Variants in WDR44 observed in about 807,000 individuals in gnomAD.
The protein encoded by WDR44 is WD repeat-containing protein 44.
Under a neutral mutation model 65.7 loss-of-function variants are expected in WDR44, and 9 were observed. The observed-to-expected ratio is 0.14, with a 90% CI of 0.08 to 0.24. WDR44 has a LOEUF of 0.24. Among genes scored for constraint, WDR44 ranks in the 10% least tolerant of loss-of-function variants. The pLI is 1.00. For missense variants in WDR44, 425 were observed against 670.9 expected (o/e 0.63, Z 4.05); for synonymous variants, 220 against 235.2 (o/e 0.94, Z 0.59).
At chrX:118,429,226 CAT>C (rs977578799) in intron 12 of WDR44, among the ~76,000 whole-genome samples, 2 of 110,284 alleles carry the variant, frequency 1.8e-5, no homozygotes, top group Non-Finnish European at 3.8e-5. Flanking sequence ...TAATTCAAAA[CAT>C]AAAAAAAAAG....
At chrX:118,419,682 A>G (rs1424994376) in intron 12 of WDR44, among the ~76,000 whole-genome samples, 1 of 111,982 alleles carries the variant, frequency 8.9e-6, no homozygotes, top group East Asian at 2.8e-4. Context: ...AGGAGCTGCA[A>G]TCTAGTCCTG....
intron 1 of WDR44, among the ~76,000 whole-genome samples, chrX:118,365,705 T>C (rs2056547326): frequency 9.0e-6 from 1 of 111,571 alleles, no homozygotes; most frequent in Non-Finnish European, 1.9e-5. Flanking sequence ...GTGTGCAATA[T>C]TCTCTTTTAT....
chrX:118,432,146 A>G (rs1324163137), intron 12 of WDR44, among the ~76,000 whole-genome samples: 4 of 111,707 alleles, frequency 3.6e-5, no homozygotes, highest in African/African-American at 9.8e-5. Context: ...AGGCGGTTCC[A>G]GGGTTGGTTA....
At chrX:118,378,105 A>G (rs1448748682) in intron 1 of WDR44, among the ~76,000 whole-genome samples, 1 of 109,853 alleles carries the variant, frequency 9.1e-6, no homozygotes, top group African/African-American at 3.3e-5. Flanking sequence ...ATAGGCACGC[A>G]CCACCACACC....
chrX:118,361,597 TA>T (rs894973022), intron 1 of WDR44, among the ~76,000 whole-genome samples: 4 of 109,285 alleles, frequency 3.7e-5, no homozygotes, highest in Admixed American at 2.0e-4. Context: ...ATTAAAAAAT[TA>T]AAAAAAAATT....
At chrX:118,427,294 G>A (rs865798325) in intron 12 of WDR44, among the ~76,000 whole-genome samples, 3 of 101,344 alleles carry the variant, frequency 3.0e-5, no homozygotes, top group South Asian at 4.8e-4. Flanking sequence ...TTTTGGGGAC[G>A]GAGTCTTGCT....
chrX:118,385,277 G>GAA (rs909928407), intron 2 of WDR44, among the ~76,000 whole-genome samples: 1 of 112,151 alleles, frequency 8.9e-6, no homozygotes, highest in Non-Finnish European at 1.9e-5. Flanking sequence ...TGATAGACTG[G>GAA]ATAAAGAAAA....
At chrX:118,392,566 A>G in intron 3 of WDR44, 66 bp from the exon 4 acceptor site, 1 of 931,359 alleles carries the variant, frequency 1.1e-6, no homozygotes, top group South Asian at 2.4e-5. Flanking sequence ...TATGTAAATG[A>G]TTAGCTGTTA....
At chrX:118,446,862 T>TA (rs1308623218) in intron 19 of WDR44, among the ~76,000 whole-genome samples, 13 of 110,180 alleles carry the variant, frequency 1.2e-4, no homozygotes, top group African/African-American at 4.0e-4. Context: ...TTTTTTTTTT[T>TA]AACTTATGAA....
intron 12 of WDR44, among the ~76,000 whole-genome samples, chrX:118,419,483 G>C (rs770206988): frequency 4.5e-5 from 5 of 112,139 alleles, no homozygotes; most frequent in Admixed American, 9.4e-5. Context: ...CGGAGAGGAG[G>C]ATCTCCCTTT....
intron 2 of WDR44, 136 bp from the exon 3 acceptor site, chrX:118,387,201 AAAG>A (rs1430445571): frequency 5.3e-5 from 17 of 319,169 alleles, no homozygotes; most frequent in Non-Finnish European, 8.5e-5. Context: ...AAAAAAAAAA[AAAG>A]AAGAAGAAGA....
Position 118,414,082 on chromosome X carries a change from A to G in WDR44, c.1737+3123A>G, listed in dbSNP as rs776471532. Among the ~76,000 whole-genome samples, 39 of 110,460 alleles carry G rather than the reference A, an allele frequency of 3.5e-4. No individual in the cohort carries two copies. The South Asian group carries it at 7.7e-3, about 22-fold the overall frequency. On this transcript the variant is annotated intron_variant, in intron 12 of 19. Transcript: ENST00000254029. Reference sequence around the variant, plus strand: ...CCAGTACCATACTGTCTTGGTGACTATGGCCTTATAGTTTGAAATCAGTAA... The same window carrying G: ...CCAGTACCATACTGTCTTGGTGACTGTGGCCTTATAGTTTGAAATCAGTAA...
chrX:118,352,352 A>ATATATATT (rs1357425730), intron 1 of WDR44, among the ~76,000 whole-genome samples: 2 of 14,222 alleles, frequency 1.4e-4, no homozygotes, highest in African/African-American at 7.4e-4. Flanking sequence ...ATATATATAT[A>ATATATATT]TTTTTTTTTT....
chrX:118,423,822 A>G (rs764658521), intron 12 of WDR44, among the ~76,000 whole-genome samples: 8 of 112,242 alleles, frequency 7.1e-5, no homozygotes, highest in African/African-American at 2.6e-4. Context: ...TGTTGTTTCT[A>G]GATTCATCAT....
Position 118,346,318 on chromosome X carries a change from G to A in WDR44, c.-186G>A. ...GGCGGCCGCTTTGCCGGTCATTCCC[G>A]AAGCCCGGCAACTGAGGGCGGCCCC... On this transcript the variant is annotated 5_prime_UTR_variant, in exon 1 of 20. Coordinates refer to ENST00000254029, the MANE Select transcript of WDR44 (RefSeq NM_019045.5). 2.4e-6 allele frequency: 1 copy of A among 422,244 alleles called. No homozygotes were observed. The highest frequency in any genetic ancestry group is 6.5e-4 in the Middle Eastern group (1 of 1,528). 34.8% of individuals were successfully genotyped at this position (422,244 alleles called of 1,213,427 possible).
intron 2 of WDR44, 82 bp downstream of exon 2, chrX:118,378,534 G>T (rs1444723275): frequency 8.9e-6 from 9 of 1,011,214 alleles, no homozygotes; most frequent in Non-Finnish European, 1.1e-5. Context: ...TCATTTTCTT[G>T]CTTTTGCTTT....
At chrX:118,398,341 G>A (rs1279493592) in intron 7 of WDR44, 46 bp from the exon 8 acceptor site, 1 of 1,087,779 alleles carries the variant, frequency 9.2e-7, no homozygotes, top group Admixed American at 2.3e-5. Context: ...TTTTTAAGAA[G>A]TATAGAAGAA....
rs186200502 is a variant in WDR44 at position 118,435,884 on chromosome X, T to C, written c.1852-818T>C. ...TGCTATATAATGCGAAGAACAATGC[T>C]TAACACATCGTAAGTATGCGATCAA... is the stretch of plus-strand genomic sequence containing the variant. On this transcript the variant is annotated intron_variant, in intron 13 of 19. Coordinates refer to ENST00000254029, the MANE Select transcript of WDR44 (RefSeq NM_019045.5). Among the ~76,000 whole-genome samples, 28 of 112,598 alleles carry C rather than the reference T, an allele frequency of 2.5e-4. No homozygotes were observed. The East Asian group carries it at 7.2e-3, about 29-fold the overall frequency.
intron 1 of WDR44, among the ~76,000 whole-genome samples, chrX:118,360,730 G>C (rs968058545): frequency 8.9e-6 from 1 of 112,115 alleles, no homozygotes; most frequent in African/African-American, 3.2e-5. Flanking sequence ...TCAGTTCCTT[G>C]GTGCACTGCT....
Sources: gnomAD v4.1 joint callset for allele counts (sites outside exome capture counted in the v4.1 genomes callset) on GRCh38, gnomAD v4.1.1 for gene constraint, MANE v1.5 for transcripts, NCBI Gene and HGNC (gene_info 2026-07-23, HGNC 2026-07-21) for gene names.